The following LMO1 variants were observed in gnomAD, a reference collection of about 807,000 sequenced individuals.
The protein encoded by LMO1 is rhombotin-1.
A neutral mutation model predicts 18.0 loss-of-function variants in LMO1; 10 were observed. That is an observed-to-expected ratio of 0.55 (90% confidence interval 0.34 to 0.94). The LOEUF is 0.94. LMO1 is among the 40% of genes least tolerant of loss of function. LMO1 has a pLI of 0.02. For missense variants in LMO1, 183 were observed against 205.7 expected (o/e 0.89, Z 0.68); for synonymous variants, 77 against 77.9 (o/e 0.99, Z 0.06).
chr11:8,235,840 T>C (rs748724871), intron 1 of LMO1, among the ~76,000 whole-genome samples: 2 of 152,224 alleles, frequency 1.3e-5, no homozygotes, highest in African/African-American at 2.4e-5. Context: ...AGTTAATTTA[T>C]GTGATGTGCT....
chr11:8,238,014 G>A (rs1302116831), intron 1 of LMO1, among the ~76,000 whole-genome samples: 1 of 152,240 alleles, frequency 6.6e-6, no homozygotes, highest in Non-Finnish European at 1.5e-5. Context: ...GCAATTAGCT[G>A]AGAAAATTTA....
At chr11:8,232,740 G>A (rs1174273161) in intron 1 of LMO1, among the ~76,000 whole-genome samples, 1 of 152,200 alleles carries the variant, frequency 6.6e-6, no homozygotes, top group Non-Finnish European at 1.5e-5. Context: ...GCTATTACCA[G>A]AACATGGGTG....
At chr11:8,254,002 A>G (rs913882461) in intron 1 of LMO1, among the ~76,000 whole-genome samples, 1 of 152,218 alleles carries the variant, frequency 6.6e-6, no homozygotes, top group Non-Finnish European at 1.5e-5. Flanking sequence ...GACACAGACA[A>G]AGATGTCATT....
chr11:8,266,808 G>A (rs190548992), upstream of LMO1, among the ~76,000 whole-genome samples: 521 of 152,340 alleles, frequency 3.4e-3, 4 homozygotes, highest in Non-Finnish European at 5.2e-3. Flanking sequence ...CAGCCAGAGG[G>A]CCTGCTCCCA....
At chr11:8,262,641 C>T (rs914215117) in intron 1 of LMO1, among the ~76,000 whole-genome samples, 3 of 152,232 alleles carry the variant, frequency 2.0e-5, no homozygotes, top group African/African-American at 7.2e-5. Flanking sequence ...GCCGCTCCCG[C>T]ACAAGTGCTA....
intron 1 of LMO1, among the ~76,000 whole-genome samples, chr11:8,232,762 C>A (rs1205600972): frequency 1.3e-5 from 2 of 152,192 alleles, no homozygotes; most frequent in Non-Finnish European, 2.9e-5. Context: ...ATGGCTGGAA[C>A]CTCCGTACTC....
Position 8,253,670 on chromosome 11 carries a change from G to A in LMO1, c.25+9668C>T, listed in dbSNP as rs530581062. Among the ~76,000 whole-genome samples, 8 of 152,204 alleles carry A rather than the reference G, an allele frequency of 5.3e-5. No individual in the cohort carries two copies. The South Asian group carries it at 8.3e-4, about 16-fold the overall frequency. On this transcript the variant is annotated intron_variant, in intron 1 of 3. Coordinates refer to ENST00000335790, the MANE Select transcript of LMO1 (RefSeq NM_002315.3). Reference sequence around the variant, plus strand: ...GGAGAGGACACGCAGGATGGAGCAGGACTGTAGGAGCCCAGGCCAGCACTG... The same window carrying A: ...GGAGAGGACACGCAGGATGGAGCAGAACTGTAGGAGCCCAGGCCAGCACTG...
chr11:8,225,029 G>A (rs973169143), intron 3 of LMO1, among the ~76,000 whole-genome samples: 1 of 152,044 alleles, frequency 6.6e-6, no homozygotes, highest in African/African-American at 2.4e-5. Context: ...GGGGTTGGTG[G>A]AGAGGTGCAG....
chr11:8,253,352 T>C (rs1231873185), intron 1 of LMO1, among the ~76,000 whole-genome samples: 1 of 152,140 alleles, frequency 6.6e-6, no homozygotes, highest in Non-Finnish European at 1.5e-5. Context: ...ATGGCACCAG[T>C]CATCTACAAG....
At chr11:8,235,104 C>T (rs923662687) in intron 1 of LMO1, among the ~76,000 whole-genome samples, 1 of 152,096 alleles carries the variant, frequency 6.6e-6, no homozygotes, top group Non-Finnish European at 1.5e-5. Context: ...AGTCTGGTGC[C>T]CAGGGCACAG....
chr11:8,230,568 T>C, intron 1 of LMO1, 64 bp from the exon 2 acceptor site: 1 of 1,516,856 alleles, frequency 6.6e-7, no homozygotes, highest in Non-Finnish European at 9.0e-7. Context: ...TCAAGGAATA[T>C]CCCCCAAGAA....
chr11:8,246,804 A>G (rs796763092), intron 1 of LMO1, among the ~76,000 whole-genome samples: 10 of 151,826 alleles, frequency 6.6e-5, no homozygotes, highest in African/African-American at 2.2e-4. Flanking sequence ...ATAGCGGGGG[A>G]AATAACCTGT....
chr11:8,264,916 C>G (rs545825841), upstream of LMO1, among the ~76,000 whole-genome samples: 18 of 152,278 alleles, frequency 1.2e-4, 1 homozygote, highest in East Asian at 2.1e-3. Flanking sequence ...CAGGCGTGAG[C>G]TGCTGCGCCT....
chr11:8,242,709 G>A (rs577686056), intron 1 of LMO1, among the ~76,000 whole-genome samples: 24 of 152,278 alleles, frequency 1.6e-4, no homozygotes, highest in Non-Finnish European at 2.2e-4. Context: ...CAAAGCCCGC[G>A]TCACCCATCT....
intron 1 of LMO1, among the ~76,000 whole-genome samples, chr11:8,254,482 G>A (rs960083470): frequency 5.3e-5 from 8 of 152,210 alleles, no homozygotes; most frequent in Non-Finnish European, 8.8e-5. Flanking sequence ...TCACCTGGCT[G>A]CATCTGCATA....
intron 1 of LMO1, among the ~76,000 whole-genome samples, chr11:8,241,400 G>C (rs1846789036): frequency 1.3e-5 from 2 of 152,326 alleles, no homozygotes; most frequent in Non-Finnish European, 2.9e-5. Flanking sequence ...AGATGAACCA[G>C]GGCAGGTCAC....
At chr11:8,245,285 C>T (rs1846875559) in intron 1 of LMO1, among the ~76,000 whole-genome samples, 1 of 152,120 alleles carries the variant, frequency 6.6e-6, no homozygotes, top group Non-Finnish European at 1.5e-5. Flanking sequence ...AGGGTTCAGG[C>T]CAGGGACTTG....
chr11:8,244,988 T>G (rs923842424), intron 1 of LMO1, among the ~76,000 whole-genome samples: 1 of 152,232 alleles, frequency 6.6e-6, no homozygotes, highest in Admixed American at 6.5e-5. Context: ...CCTCCTCGTG[T>G]GCCCTATAAC....
At chr11:8,256,007 G>A (rs980328606) in intron 1 of LMO1, among the ~76,000 whole-genome samples, 1 of 151,502 alleles carries the variant, frequency 6.6e-6, no homozygotes, top group Admixed American at 6.6e-5. Flanking sequence ...TTGTATTTTT[G>A]GTAGAGACGG....
Sources: gnomAD v4.1 joint callset for allele counts (sites outside exome capture counted in the v4.1 genomes callset) on GRCh38, gnomAD v4.1.1 for gene constraint, MANE v1.5 for transcripts, NCBI Gene and HGNC (gene_info 2026-07-23, HGNC 2026-07-21) for gene names.